Variants in EMC2 observed in about 807,000 individuals in gnomAD.
EMC2 encodes the protein TPR repeat protein 35.
EMC2 carries 37 observed loss-of-function variants against 51.6 expected under a neutral mutation model. The ratio of observed to expected loss-of-function variants is 0.72; its 90% CI spans 0.55 to 0.94. The LOEUF is 0.94. EMC2 is among the 40% of genes least tolerant of loss of function. EMC2 has a pLI of 0.00. For missense variants in EMC2, 359 were observed against 350.9 expected (o/e 1.02, Z -0.18); for synonymous variants, 131 against 112.4 (o/e 1.17, Z -1.04).
chr8:108,457,726 A>G (rs1307947894), intron 5 of EMC2, among the ~76,000 whole-genome samples: 1 of 152,156 alleles, frequency 6.6e-6, no homozygotes, highest in Non-Finnish European at 1.5e-5. Context: ...GAATTGTGGA[A>G]GTTACAATTC....
intron 9 of EMC2, among the ~76,000 whole-genome samples, chr8:108,478,799 T>C (rs1384699408): frequency 6.6e-6 from 1 of 151,848 alleles, no homozygotes; most frequent in Non-Finnish European, 1.5e-5. Context: ...ATCTTTTCCC[T>C]TTCCACTATT....
At chr8:108,446,902 T>C (rs1818890060) in intron 1 of EMC2, among the ~76,000 whole-genome samples, 1 of 152,158 alleles carries the variant, frequency 6.6e-6, no homozygotes, top group Non-Finnish European at 1.5e-5. Flanking sequence ...ATAGGTAAAA[T>C]GTTGCTTGTT....
At chr8:108,483,472 A>G (rs1268215184) in intron 10 of EMC2, among the ~76,000 whole-genome samples, 1 of 152,222 alleles carries the variant, frequency 6.6e-6, no homozygotes, top group Admixed American at 6.5e-5. Context: ...ATAACTTTGT[A>G]TAAATGAGTT....
At chr8:108,446,857 G>T (rs1818888376) in intron 1 of EMC2, among the ~76,000 whole-genome samples, 3 of 152,086 alleles carry the variant, frequency 2.0e-5, no homozygotes, top group African/African-American at 7.2e-5. Context: ...AGTGTGGCAG[G>T]GTCAGCTATG....
intron 7 of EMC2, among the ~76,000 whole-genome samples, chr8:108,473,655 C>G (rs1016412745): frequency 2.7e-5 from 3 of 112,874 alleles, no homozygotes; most frequent in Admixed American, 1.7e-4. Flanking sequence ...TAAGTCCAGC[C>G]TTTTAAAATT....
intron 1 of EMC2, among the ~76,000 whole-genome samples, chr8:108,449,562 G>A (rs909785071): frequency 4.6e-5 from 7 of 152,120 alleles, no homozygotes; most frequent in East Asian, 1.9e-4. Flanking sequence ...GTAAGCCACC[G>A]TGCCTGGCCC....
chr8:108,444,166 C>T (rs1329873446), intron 1 of EMC2, among the ~76,000 whole-genome samples: 2 of 152,218 alleles, frequency 1.3e-5, no homozygotes, highest in African/African-American at 4.8e-5. Context: ...AAATGTGATT[C>T]TCATATGCCA....
intron 7 of EMC2, among the ~76,000 whole-genome samples, chr8:108,471,763 C>T (rs1317223897): frequency 6.6e-6 from 1 of 151,780 alleles, no homozygotes; most frequent in Non-Finnish European, 1.5e-5. Context: ...CTGTAGTGAT[C>T]ATTTTTATTT....
At chr8:108,470,480 A>G (rs1310461270) in intron 7 of EMC2, among the ~76,000 whole-genome samples, 1 of 152,164 alleles carries the variant, frequency 6.6e-6, no homozygotes, top group Non-Finnish European at 1.5e-5. Context: ...GTTCTTATAT[A>G]CAAAGAGTAT....
At chr8:108,464,483 TG>T (rs1297873077) in intron 5 of EMC2, among the ~76,000 whole-genome samples, 1 of 152,172 alleles carries the variant, frequency 6.6e-6, no homozygotes. Flanking sequence ...GGATGATGTC[TG>T]GGCCACAGCT....
At chr8:108,450,539 A>C (rs571289172) in intron 3 of EMC2, 47 bp downstream of exon 3, 2 of 1,117,818 alleles carry the variant, frequency 1.8e-6, no homozygotes, top group African/African-American at 1.5e-5. Flanking sequence ...CATCAATTGT[A>C]TACCGTAGTT....
At chr8:108,484,463 T>C (rs10104143) in intron 10 of EMC2, among the ~76,000 whole-genome samples, 79,629 of 151,770 alleles carry the variant, frequency 0.52, 21,170 homozygotes, top group Middle Eastern at 0.61. Context: ...ACCATCTCAG[T>C]TGACTCTTTA....
intron 5 of EMC2, among the ~76,000 whole-genome samples, chr8:108,456,348 G>GAAAAAAAAAAAAAAAAAAAA (rs1212130981): frequency 4.4e-5 from 2 of 45,030 alleles, no homozygotes; most frequent in African/African-American, 6.2e-5. Context: ...AAAAAAAAAA[G>GAAAAAAAAAAAAAAAAAAAA]AAAAAAAAAA....
Position 108,464,181 on chromosome 8 carries a change from A to G in EMC2, c.364-5645A>G, listed in dbSNP as rs560633196. 3.3e-5 allele frequency: 5 copies of G among 152,274 alleles called. No homozygotes were observed. The East Asian group carries it at 9.7e-4, about 29-fold the overall frequency. 9.4% of individuals were successfully genotyped at this position (152,274 alleles called of 1,614,324 possible). On this transcript the variant is annotated intron_variant, in intron 5 of 10. Coordinates refer to ENST00000220853, the MANE Select transcript of EMC2 (RefSeq NM_014673.5). ...CAGTTAACACTCAGCCAGTTCCCCC[A>G]CTGTAACTGGGGAAAGAAACTTGAG...
At chr8:108,476,936 A>G in intron 9 of EMC2, 44 bp downstream of exon 9, 1 of 945,202 alleles carries the variant, frequency 1.1e-6, no homozygotes, top group Non-Finnish European at 1.7e-6. Context: ...AAAATCTGTC[A>G]CTTAAAATCC....
intron 5 of EMC2, among the ~76,000 whole-genome samples, chr8:108,468,774 A>G (rs935529568): frequency 1.3e-5 from 2 of 152,204 alleles, no homozygotes; most frequent in Non-Finnish European, 2.9e-5. Flanking sequence ...TTTATTGTTT[A>G]TCCTTCTGTA....
intron 5 of EMC2, 87 bp from the exon 6 acceptor site, chr8:108,469,739 G>A: frequency 9.3e-7 from 1 of 1,077,074 alleles, no homozygotes; most frequent in Non-Finnish European, 1.4e-6. Context: ...CTGGCATTGA[G>A]ATAATAATTT....
chr8:108,472,714 G>A (rs758018986), intron 7 of EMC2, among the ~76,000 whole-genome samples: 15 of 151,810 alleles, frequency 9.9e-5, no homozygotes, highest in Non-Finnish European at 1.9e-4. Flanking sequence ...TTAAATTATC[G>A]TAGGATATCA....
chr8:108,459,758 G>GTGTGTA (rs1563694672), intron 5 of EMC2, among the ~76,000 whole-genome samples: 1 of 150,706 alleles, frequency 6.6e-6, no homozygotes, highest in African/African-American at 2.4e-5. Flanking sequence ...GTGTGTGATT[G>GTGTGTA]TTTTGTTCTA....
Sources: gnomAD v4.1 joint callset for allele counts (sites outside exome capture counted in the v4.1 genomes callset) on GRCh38, gnomAD v4.1.1 for gene constraint, MANE v1.5 for transcripts, NCBI Gene and HGNC (gene_info 2026-07-23, HGNC 2026-07-21) for gene names.